CNTNAP5: variants seen among roughly 807,000 people sequenced by gnomAD.
CNTNAP5 encodes the protein contactin-associated protein-like 5.
CNTNAP5 carries 72 observed loss-of-function variants against 150.2 expected under a neutral mutation model. The observed-to-expected ratio is 0.48, with a 90% CI of 0.40 to 0.58. The LOEUF (loss-of-function observed/expected upper bound fraction) is 0.58, where lower values mean the gene tolerates loss of function less well. CNTNAP5 is among the 20% of genes least tolerant of loss of function. The pLI is 0.00. For synonymous variants in CNTNAP5, 672 were observed against 619.8 expected (o/e 1.08, Z -1.25); for missense variants, 1,636 against 1,626.2 (o/e 1.01, Z -0.10).
At chr2:124,509,546 A>G (rs899417110) in intron 8 of CNTNAP5, among the ~76,000 whole-genome samples, 4 of 152,202 alleles carry the variant, frequency 2.6e-5, no homozygotes, top group Non-Finnish European at 5.9e-5. Flanking sequence ...AAACTTTATC[A>G]GGCGGTTAGT....
At chr2:124,577,099 TA>T (rs1696300383) in intron 11 of CNTNAP5, among the ~76,000 whole-genome samples, 1 of 152,204 alleles carries the variant, frequency 6.6e-6, no homozygotes, top group Non-Finnish European at 1.5e-5. Context: ...TTTTAGGTAG[TA>T]AAATGTACCT....
At chr2:124,313,217 G>C (rs1382579575) in intron 3 of CNTNAP5, among the ~76,000 whole-genome samples, 1 of 152,134 alleles carries the variant, frequency 6.6e-6, no homozygotes, top group Non-Finnish European at 1.5e-5. Flanking sequence ...AACTACTCTC[G>C]ATTATTATAC....
chr2:124,489,879 T>A (rs1304853536), intron 7 of CNTNAP5, among the ~76,000 whole-genome samples: 2 of 152,062 alleles, frequency 1.3e-5, no homozygotes, highest in Non-Finnish European at 2.9e-5. Flanking sequence ...TTCCAGTAAG[T>A]CCCATCCAAT....
At chr2:124,629,649 G>T (rs139639681) in intron 12 of CNTNAP5, among the ~76,000 whole-genome samples, 7 of 151,892 alleles carry the variant, frequency 4.6e-5, no homozygotes, top group Non-Finnish European at 8.8e-5. Flanking sequence ...ACAACTAATA[G>T]AACTAGAGAA....
At chr2:124,116,538 A>G (rs932746932) in intron 1 of CNTNAP5, among the ~76,000 whole-genome samples, 2 of 152,074 alleles carry the variant, frequency 1.3e-5, no homozygotes, top group Non-Finnish European at 2.9e-5. Flanking sequence ...CCCTTTGGTG[A>G]CTCAACACAG....
intron 6 of CNTNAP5, among the ~76,000 whole-genome samples, chr2:124,474,370 T>G (rs1363121083): frequency 6.6e-6 from 1 of 152,090 alleles, no homozygotes; most frequent in Middle Eastern, 3.2e-3. Context: ...GTATGTTTTG[T>G]TTGTCTCTTG....
chr2:124,744,527 T>C (rs1175029791), intron 13 of CNTNAP5, among the ~76,000 whole-genome samples: 2 of 152,316 alleles, frequency 1.3e-5, no homozygotes, highest in East Asian at 3.9e-4. Context: ...CAGGAGGGCA[T>C]GTTTTGTTTG....
intron 3 of CNTNAP5, among the ~76,000 whole-genome samples, chr2:124,411,651 AG>A (rs1465223309): frequency 9.7e-6 from 1 of 102,624 alleles, no homozygotes; most frequent in African/African-American, 3.8e-5. Flanking sequence ...CAATAGATGC[AG>A]AAAAAGCCTT....
chr2:124,911,577 A>C, intron 23 of CNTNAP5, 39 bp downstream of exon 23: 1 of 1,467,532 alleles, frequency 6.8e-7, no homozygotes, highest in Non-Finnish European at 9.4e-7. Flanking sequence ...AAAGACATAA[A>C]CGATCCTGTA....
intron 3 of CNTNAP5, among the ~76,000 whole-genome samples, chr2:124,396,096 T>C (rs925365519): frequency 1.3e-5 from 2 of 152,110 alleles, no homozygotes; most frequent in African/African-American, 4.8e-5. Context: ...TTGTGAGAAA[T>C]AAGACTCAAA....
At chr2:124,811,175 A>G (rs1409766515) in intron 19 of CNTNAP5, among the ~76,000 whole-genome samples, 1 of 152,184 alleles carries the variant, frequency 6.6e-6, no homozygotes, top group Non-Finnish European at 1.5e-5. Flanking sequence ...ACTGGGTCTC[A>G]GAAAGACAGC....
intron 3 of CNTNAP5, among the ~76,000 whole-genome samples, chr2:124,261,767 G>T (rs1425195202): frequency 6.6e-6 from 1 of 152,158 alleles, no homozygotes; most frequent in African/African-American, 2.4e-5. Flanking sequence ...AGGCTGTTCA[G>T]GTACCAGTCC....
At chr2:124,568,948 T>G (rs1311416653) in intron 11 of CNTNAP5, among the ~76,000 whole-genome samples, 2 of 152,102 alleles carry the variant, frequency 1.3e-5, no homozygotes, top group East Asian at 3.9e-4. Context: ...ATCGGGAGGC[T>G]GAGGCAGAAG....
chr2:124,542,632 C>T (rs565489313), intron 10 of CNTNAP5, among the ~76,000 whole-genome samples: 10 of 152,196 alleles, frequency 6.6e-5, no homozygotes, highest in East Asian at 3.9e-4. Flanking sequence ...ACCTACTCTA[C>T]GAAGTCTTCT....
chr2:124,589,796 A>T (rs535040330), intron 11 of CNTNAP5, among the ~76,000 whole-genome samples: 1 of 152,216 alleles, frequency 6.6e-6, no homozygotes, highest in Non-Finnish European at 1.5e-5. Flanking sequence ...TTTTAACCAC[A>T]TGTAGACTTG....
intron 19 of CNTNAP5, among the ~76,000 whole-genome samples, chr2:124,842,781 A>G (rs905137938): frequency 2.0e-5 from 3 of 152,148 alleles, no homozygotes; most frequent in Non-Finnish European, 4.4e-5. Flanking sequence ...TTGTTTTTGA[A>G]TAAGAAATGA....
chr2:124,097,896 C>T (rs1682974426), intron 1 of CNTNAP5, among the ~76,000 whole-genome samples: 2 of 152,104 alleles, frequency 1.3e-5, no homozygotes, highest in African/African-American at 2.4e-5. Flanking sequence ...AGCATGGTGA[C>T]GTGCACCTGT....
intron 3 of CNTNAP5, among the ~76,000 whole-genome samples, chr2:124,395,159 T>G (rs1321789313): frequency 6.6e-6 from 1 of 152,114 alleles, no homozygotes; most frequent in Non-Finnish European, 1.5e-5. Flanking sequence ...AAATACACAT[T>G]CTTTTATAAT....
At chr2:124,894,862 C>A (rs963751932) in intron 21 of CNTNAP5, among the ~76,000 whole-genome samples, 4 of 151,360 alleles carry the variant, frequency 2.6e-5, no homozygotes, top group Non-Finnish European at 2.9e-5. Flanking sequence ...CTTCAAGTCC[C>A]AGTCTTAATG....
Sources: gnomAD v4.1 joint callset for allele counts (sites outside exome capture counted in the v4.1 genomes callset) on GRCh38, gnomAD v4.1.1 for gene constraint, MANE v1.5 for transcripts, NCBI Gene and HGNC (gene_info 2026-07-23, HGNC 2026-07-21) for gene names.